GPBP1L1: variants seen among roughly 807,000 people sequenced by gnomAD.
GPBP1L1 encodes vasculin-like protein 1.
A neutral mutation model predicts 52.5 loss-of-function variants in GPBP1L1; 23 were observed. The ratio of observed to expected loss-of-function variants is 0.44; its 90% CI spans 0.32 to 0.62. The LOEUF (loss-of-function observed/expected upper bound fraction) is 0.62. GPBP1L1 is among the 20% of genes least tolerant of loss of function. GPBP1L1 has a pLI of 0.06. For synonymous variants in GPBP1L1, 243 were observed against 203.1 expected, an observed-to-expected ratio of 1.20 and a Z score of -1.67; for missense variants, 596 against 579.3, an observed-to-expected ratio of 1.03 and a Z score of -0.30.
chr1:45,629,980 T>G (rs1264038496), intron 11 of GPBP1L1, among the ~76,000 whole-genome samples: 1 of 150,800 alleles, frequency 6.6e-6, no homozygotes, highest in Admixed American at 6.6e-5. Context: ...GGATGGAGTC[T>G]CACTCTGTCA....
chr1:45,659,634 T>A (rs977705301), intron 3 of GPBP1L1, among the ~76,000 whole-genome samples: 1 of 152,210 alleles, frequency 6.6e-6, no homozygotes, highest in Non-Finnish European at 1.5e-5. Context: ...AGGTAACTTC[T>A]AGCAAAAGCA....
chr1:45,654,941 A>AT, intron 5 of GPBP1L1, 112 bp from the exon 6 acceptor site: 1 of 1,145,004 alleles, frequency 8.7e-7, no homozygotes, highest in South Asian at 1.6e-5. Flanking sequence ...CACAAAAAAA[A>AT]TAAAAAAATG....
chr1:45,628,386 T>C lies in GPBP1L1; in HGVS notation c.1295A>G (p.Lys432Arg). ...TEQLRRNGFGKNGFLQSRSSS... is the reference protein window; with the variant it reads ...TEQLRRNGFGRNGFLQSRSSS... ...ACTGCGGCTCTGCAAGAAGCCATTC[T>C]TTCCAAAGCCATTTCTTCTCAGCTA... Residue 432 changes from lysine to arginine, a missense_variant, in exon 13 of 13, where the codon AAG becomes AGG. Physicochemically the swap from Lys to Arg is conservative, Grantham distance 26. Coordinates refer to ENST00000355105, the MANE Select transcript of GPBP1L1 (RefSeq NM_021639.5). The C allele has an allele frequency of 3.1e-6, 5 of 1,614,076 alleles. No individual in the cohort carries two copies. Among genetic ancestry groups the C allele is most frequent in the Non-Finnish European group, 4.2e-6 (5 of 1,180,038 alleles).
intron 9 of GPBP1L1, 164 bp from the exon 10 acceptor site, chr1:45,633,811 T>G: frequency 1.3e-6 from 1 of 767,594 alleles, no homozygotes; most frequent in East Asian, 2.7e-5. Context: ...TTTGCAGGGT[T>G]TATATAGTTA....
At chr1:45,681,484 C>T (rs955974089) in intron 2 of GPBP1L1, among the ~76,000 whole-genome samples, 1 of 152,102 alleles carries the variant, frequency 6.6e-6, no homozygotes, top group Non-Finnish European at 1.5e-5. Context: ...TTTGTGGGAC[C>T]TAGATCCTGA....
chr1:45,635,853 G>C (rs1436934741), intron 8 of GPBP1L1: 1 of 152,080 alleles, frequency 6.6e-6, no homozygotes, highest in Non-Finnish European at 1.5e-5. Flanking sequence ...AAGTTCAAAG[G>C]AATGTCCTCC....
Position 45,634,122 on chromosome 1 carries a change from C to T in GPBP1L1, c.859G>A (p.Gly287Ser), listed in dbSNP as rs149519142. Reference sequence around the variant, plus strand: ...TCTTTGGGAGAACTCAGAGCTGCACCACTAGCCAGTACCACTGGTTTGGTA... The same window carrying T: ...TCTTTGGGAGAACTCAGAGCTGCACTACTAGCCAGTACCACTGGTTTGGTA... ...SVTKPVVLAS[G>S]AALSSPKESP... The change falls in exon 9 of 13, where the codon GGT becomes AGT. Residue 287 changes from glycine (G) to serine (S), a missense_variant. Coordinates refer to ENST00000355105, the MANE Select transcript of GPBP1L1 (RefSeq NM_021639.5). The T allele has an allele frequency of 9.6e-5, 155 of 1,613,332 alleles. No individual in the cohort carries two copies. The Middle Eastern group carries it at 1.3e-3, about 14-fold the overall frequency.
At chr1:45,643,657 GCTTT>G (rs1355134482) in intron 6 of GPBP1L1, among the ~76,000 whole-genome samples, 1 of 123,546 alleles carries the variant, frequency 8.1e-6, no homozygotes, top group Non-Finnish European at 1.6e-5. Flanking sequence ...TAGGAGAATG[GCTTT>G]TTTTTTTTTT....
chr1:45,645,450 T>C (rs905389498), intron 6 of GPBP1L1, among the ~76,000 whole-genome samples: 30 of 152,260 alleles, frequency 2.0e-4, no homozygotes, highest in Admixed American at 4.6e-4. Flanking sequence ...TCATATTTAA[T>C]TGCTTTATTC....
intron 8 of GPBP1L1, among the ~76,000 whole-genome samples, chr1:45,638,821 A>G (rs1489359103): frequency 6.6e-6 from 1 of 152,202 alleles, no homozygotes; most frequent in Non-Finnish European, 1.5e-5. Flanking sequence ...TTATTCACAG[A>G]GAGGATGGCA....
At chr1:45,673,723 G>A (rs747953106) in intron 2 of GPBP1L1, among the ~76,000 whole-genome samples, 5 of 152,234 alleles carry the variant, frequency 3.3e-5, no homozygotes, top group South Asian at 2.1e-4. Flanking sequence ...TTAGCCAGGC[G>A]TAATGGCACA....
chr1:45,665,806 T>C (rs1645003921), intron 2 of GPBP1L1, among the ~76,000 whole-genome samples: 2 of 151,432 alleles, frequency 1.3e-5, no homozygotes, highest in Admixed American at 1.3e-4. Context: ...TTACTTCTTT[T>C]CCACCTGTTA....
intron 8 of GPBP1L1, among the ~76,000 whole-genome samples, chr1:45,636,474 C>G (rs1409854563): frequency 6.6e-6 from 1 of 152,120 alleles, no homozygotes; most frequent in East Asian, 1.9e-4. Context: ...TTTATACAGG[C>G]CTCCATCAAG....
intron 2 of GPBP1L1, among the ~76,000 whole-genome samples, chr1:45,678,501 T>C (rs756001670): frequency 1.3e-5 from 2 of 152,168 alleles, no homozygotes; most frequent in Admixed American, 6.5e-5. Context: ...AAATGAGGAA[T>C]TGCTATGCTG....
At chr1:45,676,809 G>T (rs183208050) in intron 2 of GPBP1L1, among the ~76,000 whole-genome samples, 108 of 151,992 alleles carry the variant, frequency 7.1e-4, no homozygotes, top group African/African-American at 2.5e-3. Context: ...AATCCAGGAG[G>T]TCTAAGCTGC....
At chr1:45,664,863 G>A (rs1644991007) in intron 2 of GPBP1L1, among the ~76,000 whole-genome samples, 1 of 152,052 alleles carries the variant, frequency 6.6e-6, no homozygotes, top group African/African-American at 2.4e-5. Flanking sequence ...ATTTTTAGCA[G>A]AGATAGAGTT....
intron 8 of GPBP1L1, chr1:45,635,317 C>T (rs528964083): frequency 6.6e-4 from 101 of 152,236 alleles, no homozygotes; most frequent in African/African-American, 2.3e-3. Flanking sequence ...AACGATGACC[C>T]AACCAGAATG....
chr1:45,627,388 T>C lies in GPBP1L1; in HGVS notation c.*868A>G, dbSNP rs528060086. The C allele has an allele frequency of 1.6e-3, 238 of 152,698 alleles. No homozygotes were observed. The highest frequency in any genetic ancestry group is 2.0e-3 in the Non-Finnish European group (139 of 68,016). The allele number at this position is 152,698 out of a possible 1,614,324, so 9.5% of individuals were successfully genotyped here. ...ATCTGCTAAAATAGAGAAACAGTTGTGTCTGAATTCACATTTCCCCCCAAC... is the reference window on the plus strand; with the variant it reads ...ATCTGCTAAAATAGAGAAACAGTTGCGTCTGAATTCACATTTCCCCCCAAC... On this transcript the variant is annotated 3_prime_UTR_variant, in exon 13 of 13. Coordinates refer to ENST00000355105, the MANE Select transcript of GPBP1L1 (RefSeq NM_021639.5).
intron 2 of GPBP1L1, among the ~76,000 whole-genome samples, chr1:45,675,894 G>C (rs1470745911): frequency 6.6e-6 from 1 of 152,130 alleles, no homozygotes; most frequent in African/African-American, 2.4e-5. Flanking sequence ...TTAAACTGCA[G>C]ATCCTAAGAC....
Sources: gnomAD v4.1 joint callset for allele counts (sites outside exome capture counted in the v4.1 genomes callset) on GRCh38, gnomAD v4.1.1 for gene constraint, MANE v1.5 for transcripts, NCBI Gene and HGNC (gene_info 2026-07-23, HGNC 2026-07-21) for gene names.